The following KRT4 variants were observed in gnomAD, a reference collection of about 807,000 sequenced individuals.
KRT4 encodes keratin 4.
A neutral mutation model predicts 50.6 loss-of-function variants in KRT4; 47 were observed. That is an observed-to-expected ratio of 0.93 (90% CI 0.73 to 1.18). The LOEUF (loss-of-function observed/expected upper bound fraction) is 1.18, where lower values mean the gene tolerates loss of function less well. Ranked by LOEUF, KRT4 falls within the 50% of genes most tolerant of loss-of-function variation. The probability of loss-of-function intolerance (pLI) is 0.00; values close to 1 mark genes in which losing one functional copy is unlikely to be tolerated. For missense variants in KRT4, 651 were observed against 645.7 expected (o/e 1.01, Z -0.09); for synonymous variants, 254 against 251.2 (o/e 1.01, Z -0.10).
chr12:52,808,320 C>T lies in KRT4; in HGVS notation c.1099G>A (p.Ala367Thr), dbSNP rs1489897581. The T allele has an allele frequency of 6.2e-7, 1 of 1,614,112 alleles. No homozygotes were observed. The highest frequency in any genetic ancestry group is 8.5e-7 in the Non-Finnish European group (1 of 1,180,040). Reference sequence around the variant, plus strand: ...TGCTTCTTGATGTTCTCGATCTCTGCCCGCAGCCTCTGGATCATCCTGTTG... The same window carrying T: ...TGCTTCTTGATGTTCTCGATCTCTGTCCGCAGCCTCTGGATCATCCTGTTG... Reference protein sequence around the residue: ...ELNRMIQRLRAEIENIKKQCQ... With the variant: ...ELNRMIQRLRTEIENIKKQCQ... Residue 367 changes from alanine (A) to threonine (T), a missense_variant, in exon 6 of 9, where the codon GCA becomes ACA. Coordinates refer to ENST00000551956, the MANE Select transcript of KRT4 (RefSeq NM_002272.4).
At position 52,808,778 on chromosome 12, in the gene KRT4, C is replaced by G. The variant is rs775745209; in HGVS notation, c.907G>C (p.Asp303His). 91 of 1,614,192 alleles carry G rather than the reference C, an allele frequency of 5.6e-5. No individual in the cohort carries two copies. The highest frequency in any genetic ancestry group is 7.3e-5 in the Non-Finnish European group (86 of 1,180,026). The change falls in exon 5 of 9, where the codon GAC becomes CAC. Residue 303 changes from aspartate (D) to histidine (H), a missense_variant. Transcript: ENST00000551956. Reference protein sequence around the residue: ...VLSMDNNRNLDLDSIIAEVRA... With the variant: ...VLSMDNNRNLHLDSIIAEVRA... ...ACCTCGGCAATAATGCTGTCCAGGT[C>G]CAGGTTGCGGTTGTTGTCCATGGAA...
chr12:52,807,551 A>G (rs765402559), intron 7 of KRT4, 93 bp downstream of exon 7: 191 of 1,520,186 alleles, frequency 1.3e-4, no homozygotes, highest in Non-Finnish European at 1.7e-4. Context: ...GCACCGGCAC[A>G]ACACTGATGC....
At chr12:52,808,513 A>G in intron 5 of KRT4, 94 bp from the exon 6 acceptor site, 1 of 1,574,006 alleles carries the variant, frequency 6.4e-7, no homozygotes, top group Non-Finnish European at 8.7e-7. Context: ...CACAGGTGGC[A>G]AGAATAGCAC....
At chr12:52,812,434 G>A (rs1372812944) in intron 1 of KRT4, among the ~76,000 whole-genome samples, 1 of 152,192 alleles carries the variant, frequency 6.6e-6, no homozygotes, top group Non-Finnish European at 1.5e-5. Context: ...GCGTGTCCCT[G>A]TGAACCTGTG....
chr12:52,810,861 C>T lies in KRT4; in HGVS notation c.678-45G>A, dbSNP rs768144088. The T allele has an allele frequency of 9.4e-6, 14 of 1,494,434 alleles. No homozygotes were observed. The African/African-American group carries it at 1.9e-4, about 21-fold the overall frequency. 92.6% of individuals were successfully genotyped at this position (1,494,434 alleles called of 1,614,324 possible). ...GAAAAAGACAAAAACCCACAGTGAG[C>T]TGGTGTTTCTCAGATCTCTGCTGCT... On this transcript the variant is annotated intron_variant, in intron 2 of 8. Transcript: ENST00000551956.
intron 3 of KRT4, 108 bp from the exon 4 acceptor site, chr12:52,809,586 C>G: frequency 2.4e-6 from 2 of 824,842 alleles, no homozygotes; most frequent in East Asian, 2.4e-5. Context: ...GGAAAGACTA[C>G]TCAGCAGCAG....
chr12:52,810,412 T>A (rs1048375937), intron 3 of KRT4, among the ~76,000 whole-genome samples: 4 of 152,086 alleles, frequency 2.6e-5, no homozygotes, highest in Non-Finnish European at 5.9e-5. Context: ...CCAGGCGTGG[T>A]GGTGCATGCC....
In KRT4 at chr12:52,814,012, C is replaced by T. The variant is rs1020179413; in HGVS notation, c.47G>A (p.Ser16Asn). ...QCVRGGPRGF[S>N]CGSAIVGGGK... ...ACCGCCTACAATGGCCGAGCCACAG[C>T]TGAAGCCCCGGGGCCCGCCTCGGAC... Residue 16 changes from serine (S) to asparagine (N), a missense_variant, in exon 1 of 9, where the codon AGC becomes AAC. Ser to Asn is a conservative substitution (Grantham distance 46). Transcript: ENST00000551956. 1 of 1,614,140 alleles carries T rather than the reference C, an allele frequency of 6.2e-7. No homozygotes were observed. The highest frequency in any genetic ancestry group is 1.7e-5 in the Admixed American group (1 of 60,016).
chr12:52,811,718 TG>T lies in KRT4; in HGVS notation c.677+44del, dbSNP rs750015667. 5 of 1,516,850 alleles carry T rather than the reference TG, an allele frequency of 3.3e-6. No individual in the cohort carries two copies. In the South Asian group the frequency reaches 4.5e-5, roughly 14 times the overall value. 94.0% of individuals were successfully genotyped at this position (1,516,850 alleles called of 1,614,324 possible). ...AGAGCCCCGGGAGCCTGGGTGTGGC[TG>T]GGCACATGTGTCAGATGGCGTCCCC... On this transcript the variant is annotated intron_variant, in intron 2 of 8. Coordinates refer to ENST00000551956, the MANE Select transcript of KRT4 (RefSeq NM_002272.4).
chr12:52,812,023 G>T (rs772111800), intron 1 of KRT4, 46 bp from the exon 2 acceptor site: 2 of 1,509,772 alleles, frequency 1.3e-6, no homozygotes, highest in Non-Finnish European at 1.8e-6. Flanking sequence ...CCTGAAGTGT[G>T]GCAGGAGGGC....
At chr12:52,809,101 A>T in intron 4 of KRT4, 1 of 563,804 alleles carries the variant, frequency 1.8e-6, no homozygotes. Context: ...AGGGAAGGGA[A>T]TGGATCCATT....
At position 52,813,655 on chromosome 12, in the gene KRT4, G is replaced by A. The variant is rs17119475; in HGVS notation, c.404C>T (p.Thr135Met). The change falls in exon 1 of 9, where the codon ACG (threonine) becomes ATG (methionine). Residue 135 changes from threonine (T) to methionine (M), a missense_variant. By Grantham distance (81) the Thr-to-Met change is moderately conservative. Coordinates refer to ENST00000551956, the MANE Select transcript of KRT4 (RefSeq NM_002272.4). ...EIDPEIQKVR[T>M]EEREQIKLLN... ...GAGCTTGATCTGTTCGCGCTCTTCC[G>A]TCCGGACTTTCTGGATCTCAGGGTC... 4,697 of 1,614,094 alleles carry A rather than the reference G, an allele frequency of 2.9e-3. 57 individuals carry two copies. In the African/African-American group the frequency reaches 0.038, roughly 13 times the overall value.
intron 6 of KRT4, 27 bp from the exon 7 acceptor site, chr12:52,807,891 G>C (rs1323615756): frequency 1.1e-5 from 18 of 1,601,272 alleles, no homozygotes; most frequent in Non-Finnish European, 1.5e-5. Context: ...TAGATAGGTG[G>C]TCAGCAGTGC....
In KRT4 at chr12:52,809,425, A is replaced by G. The variant is rs1227374608; in HGVS notation, c.792T>C (p.Ser264=). ...TCAGGAAGTTGATCTCGTCATTAAG[A>G]CTGTCCACCTTGGCCTCCAACTCCA... ...NKVELEAKVD[S]LNDEINFLKV... The change falls in exon 4 of 9, where the codon AGT becomes AGC. Residue 264 remains serine (S), a synonymous_variant. Coordinates refer to ENST00000551956, the MANE Select transcript of KRT4 (RefSeq NM_002272.4). The G allele has an allele frequency of 1.2e-6, 2 of 1,614,116 alleles. No individual in the cohort carries two copies. Among genetic ancestry groups the G allele is most frequent in the South Asian group, 2.2e-5 (2 of 91,078 alleles).
At chr12:52,813,149 A>G (rs1939940885) in intron 1 of KRT4, among the ~76,000 whole-genome samples, 1 of 152,192 alleles carries the variant, frequency 6.6e-6, no homozygotes, top group African/African-American at 2.4e-5. Context: ...GGTGAGACCT[A>G]GAATCTGCCA....
chr12:52,813,895 A>G lies in KRT4; in HGVS notation c.164T>C (p.Leu55Pro), dbSNP rs1217672254. The change falls in exon 1 of 9, where the codon CTC (leucine) becomes CCC (proline). Residue 55 changes from leucine to proline, a missense_variant. Physicochemically the swap from Leu to Pro is moderately conservative, Grantham distance 98 (BLOSUM62 -3). Transcript: ENST00000551956. ...CATGGAGATGCTTTTGTTCCCCCTG[A>G]GGTTGTAGAGGCTTCTGCTGCCAAA... The part of the protein sequence containing the change: ...GGFGSRSLYN[L>P]RGNKSISMSV... 8.7e-6 allele frequency: 10 copies of G among 1,153,728 alleles called. No homozygotes were observed. Among genetic ancestry groups the G allele is most frequent in the South Asian group, 8.5e-5 (5 of 59,020 alleles). 71.5% of individuals were successfully genotyped at this position (1,153,728 alleles called of 1,614,324 possible).
chr12:52,811,527 C>T (rs149669582), intron 2 of KRT4: 83 of 540,840 alleles, frequency 1.5e-4, no homozygotes, highest in African/African-American at 1.5e-3. Flanking sequence ...TGATCTTGTT[C>T]GTATATGGCA....
chr12:52,809,641 G>C (rs929103376), intron 3 of KRT4, among the ~76,000 whole-genome samples, 163 bp from the exon 4 acceptor site: 8 of 152,222 alleles, frequency 5.3e-5, no homozygotes, highest in African/African-American at 1.9e-4. Flanking sequence ...CTTCCCTAGA[G>C]CCACCTGAAG....
chr12:52,808,687 T>C lies in KRT4; in HGVS notation c.998A>G (p.Lys333Arg). 6.2e-7 allele frequency: 1 copy of C among 1,614,058 alleles called. No individual in the cohort carries two copies. The highest frequency in any genetic ancestry group is 8.5e-7 in the Non-Finnish European group (1 of 1,179,894). The change falls in exon 5 of 9, where the codon AAG becomes AGG. Residue 333 changes from lysine to arginine, a missense_variant and splice_region_variant. Lys to Arg is a conservative substitution (Grantham distance 26). Coordinates refer to ENST00000551956, the MANE Select transcript of KRT4 (RefSeq NM_002272.4). ...KAEAEALYQT[K>R]VQQLQISVDQ... Reference sequence around the variant, plus strand: ...TCCTGAGAGATCCATACCACCCACCTTGGTCTGGTACAGGGCTTCAGCCTC... The same window carrying C: ...TCCTGAGAGATCCATACCACCCACCCTGGTCTGGTACAGGGCTTCAGCCTC...
Sources: allele counts gnomAD v4.1 joint callset (sites outside exome capture counted in the v4.1 genomes callset), GRCh38; gene constraint gnomAD v4.1.1; transcripts MANE v1.5; gene names NCBI Gene and HGNC (gene_info 2026-07-23, HGNC 2026-07-21).